The following AP1G1 variants were observed in gnomAD, a reference collection of about 807,000 sequenced individuals.
The protein encoded by AP1G1 is adaptor related protein complex 1 subunit gamma 1.
AP1G1 carries 7 observed loss-of-function variants against 108.3 expected under a neutral mutation model. The ratio of observed to expected loss-of-function variants is 0.06; its 90% CI spans 0.04 to 0.12. AP1G1 has a LOEUF of 0.12. Ranked by LOEUF, AP1G1 falls within the 10% of genes least tolerant of loss-of-function variation. The probability of loss-of-function intolerance (pLI) is 1.00; values close to 1 mark genes in which losing one functional copy is unlikely to be tolerated. For missense variants in AP1G1, 756 were observed against 1,010.7 expected, an observed-to-expected ratio of 0.75 and a Z score of 3.42; for synonymous variants, 379 against 353.5, an observed-to-expected ratio of 1.07 and a Z score of -0.81.
At chr16:71,775,259 T>G (rs1392003613) in intron 2 of AP1G1, among the ~76,000 whole-genome samples, 4 of 151,060 alleles carry the variant, frequency 2.6e-5, no homozygotes, top group Non-Finnish European at 5.9e-5. Context: ...CACGGACTCC[T>G]GACCACAGAT....
chr16:71,754,866 T>G (rs952059743), intron 12 of AP1G1, among the ~76,000 whole-genome samples: 1 of 150,630 alleles, frequency 6.6e-6, no homozygotes, highest in African/African-American at 2.4e-5. Context: ...AAGATTGCAA[T>G]AAGAGTTGCT....
chr16:71,754,810 G>C (rs76423857), intron 12 of AP1G1, among the ~76,000 whole-genome samples: 1 of 131,282 alleles, frequency 7.6e-6, no homozygotes. Context: ...TAAAATTAAA[G>C]AAAAAAAAAA....
At chr16:71,780,926 G>A (rs1000953881) in intron 2 of AP1G1, among the ~76,000 whole-genome samples, 3 of 150,952 alleles carry the variant, frequency 2.0e-5, no homozygotes, top group Admixed American at 1.3e-4. Flanking sequence ...CAGGCCATCC[G>A]CCTGCCTCAG....
At chr16:71,771,020 C>A (rs1328132277) in intron 5 of AP1G1, 136 bp downstream of exon 5, 3 of 490,424 alleles carry the variant, frequency 6.1e-6, no homozygotes, top group East Asian at 6.7e-5. Context: ...CAGACCAGAC[C>A]TTCCTGGAAA....
chr16:71,772,150 A>G (rs886786446), intron 4 of AP1G1, among the ~76,000 whole-genome samples: 2 of 129,724 alleles, frequency 1.5e-5, no homozygotes, highest in South Asian at 5.0e-4. Context: ...TTTTTTTTTG[A>G]GACGGAGTCT....
intron 1 of AP1G1, among the ~76,000 whole-genome samples, chr16:71,799,872 C>T (rs898931587): frequency 8.0e-5 from 12 of 149,906 alleles, no homozygotes; most frequent in Non-Finnish European, 5.9e-5. Context: ...GCACTCCAGC[C>T]TTCGTGACAG....
intron 13 of AP1G1, among the ~76,000 whole-genome samples, chr16:71,753,290 C>G (rs1039659529): frequency 1.3e-5 from 2 of 152,188 alleles, no homozygotes; most frequent in African/African-American, 4.8e-5. Flanking sequence ...TCCTGAGTAA[C>G]TTTAGCCATT....
intron 7 of AP1G1, among the ~76,000 whole-genome samples, chr16:71,765,063 G>A (rs900384232): frequency 2.6e-5 from 4 of 152,124 alleles, no homozygotes; most frequent in Admixed American, 6.5e-5. Context: ...ATTTGAAGTG[G>A]GGCACAGTGG....
At chr16:71,806,272 T>C (rs2142293414) in intron 1 of AP1G1, among the ~76,000 whole-genome samples, 1 of 152,300 alleles carries the variant, frequency 6.6e-6, no homozygotes, top group South Asian at 2.1e-4. Context: ...GGAGGTTTCC[T>C]AAACGCAAAG....
intron 21 of AP1G1, among the ~76,000 whole-genome samples, chr16:71,736,117 A>AAAAAAAAAAAAATATAT (rs1555550846): frequency 1.5e-4 from 11 of 71,634 alleles, no homozygotes; most frequent in East Asian, 9.5e-4. Flanking sequence ...AAAAAAAAAA[A>AAAAAAAAAAAAATATAT]ATATATATAT....
intron 2 of AP1G1, among the ~76,000 whole-genome samples, chr16:71,776,824 G>C (rs762907810): frequency 4.0e-5 from 6 of 151,880 alleles, no homozygotes; most frequent in Non-Finnish European, 5.9e-5. Context: ...TACAAAAAAA[G>C]GCAGGCCAGG....
chr16:71,753,105 A>G (rs1360912086), intron 13 of AP1G1, among the ~76,000 whole-genome samples: 1 of 152,106 alleles, frequency 6.6e-6, no homozygotes, highest in African/African-American at 2.4e-5. Flanking sequence ...TTTCCTTTAC[A>G]GTAGCTACTT....
At chr16:71,760,109 G>A (rs576342717) in intron 10 of AP1G1, among the ~76,000 whole-genome samples, 7 of 151,888 alleles carry the variant, frequency 4.6e-5, no homozygotes, top group South Asian at 2.1e-4. Flanking sequence ...GGGCTCAAGC[G>A]TTCCTCCCAC....
intron 15 of AP1G1, among the ~76,000 whole-genome samples, chr16:71,749,162 C>CCG (rs1234856881): frequency 6.6e-6 from 1 of 151,992 alleles, no homozygotes; most frequent in African/African-American, 2.4e-5. Context: ...CATGATCCAC[C>CCG]CGCCTTGGCC....
chr16:71,780,116 C>T (rs916800274), intron 2 of AP1G1, among the ~76,000 whole-genome samples: 10 of 150,644 alleles, frequency 6.6e-5, no homozygotes, highest in African/African-American at 2.4e-4. Flanking sequence ...GCCTCAGCTT[C>T]CCAAGTAGCT....
chr16:71,764,309 G>A, intron 9 of AP1G1, 41 bp downstream of exon 9: 2 of 1,271,054 alleles, frequency 1.6e-6, no homozygotes, highest in Non-Finnish European at 2.2e-6. Flanking sequence ...CATTCTAAGT[G>A]AAACATTTAG....
rs11860038 is a variant in AP1G1, at chr16:71,794,671, A to G, written c.-3-5189T>C. 4.3e-3 allele frequency among the ~76,000 whole-genome samples: 661 copies of G among 152,008 alleles called. 11 individuals are homozygous for G. Among genetic ancestry groups the G allele is most frequent in the African/African-American group, 0.015 (640 of 41,502 alleles). ...ATCAAAATTATAAACAAACTAAAGG[A>G]AAAAAATGTAAATAGAAGAAAAAAA... On this transcript the variant is annotated intron_variant, in intron 1 of 22. Transcript: ENST00000299980.
chr16:71,742,228 GT>G (rs1170723878), intron 19 of AP1G1: 2 of 152,056 alleles, frequency 1.3e-5, no homozygotes, highest in African/African-American at 4.8e-5. Context: ...ATACAGGAAT[GT>G]TCAGAAAGGA....
chr16:71,779,944 C>A (rs1317599588), intron 2 of AP1G1, among the ~76,000 whole-genome samples: 1 of 151,874 alleles, frequency 6.6e-6, no homozygotes, highest in African/African-American at 2.4e-5. Context: ...CCCAGCAAGA[C>A]CCCATCTCTA....
Sources: allele counts gnomAD v4.1 joint callset (sites outside exome capture counted in the v4.1 genomes callset), GRCh38; gene constraint gnomAD v4.1.1; transcripts MANE v1.5; gene names NCBI Gene and HGNC (gene_info 2026-07-23, HGNC 2026-07-21).